The following PIDD1 variants were observed in gnomAD, a reference collection of about 807,000 sequenced individuals.
PIDD1 encodes p53-induced death domain protein 1.
Under a neutral mutation model 80.0 loss-of-function variants are expected in PIDD1, and 72 were observed. That is an observed-to-expected ratio of 0.90 (90% CI 0.74 to 1.09). The LOEUF is 1.09. Ranked by LOEUF, PIDD1 falls within the 50% of genes least tolerant of loss-of-function variation. The pLI is 0.00. For synonymous variants in PIDD1, 655 were observed against 543.5 expected, an observed-to-expected ratio of 1.21 and a Z score of -2.85; for missense variants, 1,329 against 1,228.3, an observed-to-expected ratio of 1.08 and a Z score of -1.23.
At chr11:808,286 G>A (rs1306230272), upstream of PIDD1, among the ~76,000 whole-genome samples, 1 of 152,052 alleles carries the variant, frequency 6.6e-6, no homozygotes, top group Admixed American at 6.6e-5. Flanking sequence ...AATTAGCCGG[G>A]CATGGTAGTG....
In PIDD1 at chr11:804,377, C is replaced by A; in HGVS notation, c.12G>T (p.Thr4=). ...CTGCCTCCAGCTCTGGCCCCTCCAC[C>A]GTTGCAGCCATCGCCCACCGACGGT... MAA[T]VEGPELEAAA... Residue 4 remains threonine (T), a synonymous_variant, in exon 2 of 16, where the codon ACG becomes ACT. Coordinates refer to ENST00000347755, the MANE Select transcript of PIDD1 (RefSeq NM_145886.4). 6.3e-7 allele frequency: 1 copy of A among 1,592,322 alleles called. No individual in the cohort carries two copies. Among genetic ancestry groups the A allele is most frequent in the Non-Finnish European group, 8.6e-7 (1 of 1,166,898 alleles).
Position 803,263 on chromosome 11 carries a change from T to C in PIDD1, c.620A>G (p.Asp207Gly). ...GCCTCCAATCTCAGGAGGTAGCGTG[T>C]CCAGCAGATTCTGAGAGAGATCGAG... is the stretch of plus-strand genomic sequence containing the variant. ...QRLDLSQNLL[D>G]TLPPEIGGLG... Residue 207 changes from aspartate (D) to glycine (G), a missense_variant, in exon 3 of 16, where the codon GAC becomes GGC. By Grantham distance (94) the Asp-to-Gly change is moderately conservative. Coordinates refer to ENST00000347755, the MANE Select transcript of PIDD1 (RefSeq NM_145886.4). 1 of 1,613,470 alleles carries C rather than the reference T, an allele frequency of 6.2e-7. No homozygotes were observed. Among genetic ancestry groups the C allele is most frequent in the Non-Finnish European group, 8.5e-7 (1 of 1,179,974 alleles).
upstream of PIDD1, chr11:805,686 G>GC (rs1865733642): frequency 4.1e-6 from 4 of 985,450 alleles, no homozygotes; most frequent in Non-Finnish European, 4.8e-6. Flanking sequence ...CGGGAAGCCT[G>GC]CCAGGACCTC....
intron 2 of PIDD1, 159 bp downstream of exon 2, chr11:803,935 T>A (rs1865584805): frequency 2.4e-6 from 2 of 821,978 alleles, no homozygotes; most frequent in Admixed American, 2.9e-5. Flanking sequence ...AGGATGGCGA[T>A]GGGGCTGGAC....
At position 804,458 on chromosome 11, in the gene PIDD1, G is replaced by A. The variant is rs978863054; in HGVS notation, c.-70C>T. 108 of 1,508,152 alleles carry A rather than the reference G, an allele frequency of 7.2e-5. No individual in the cohort carries two copies. The highest frequency in any genetic ancestry group is 9.2e-5 in the Non-Finnish European group (104 of 1,134,300). The allele number at this position is 1,508,152 out of a possible 1,614,324, so 93.4% of individuals were successfully genotyped here. On this transcript the variant is annotated 5_prime_UTR_variant, in exon 2 of 16. Transcript: ENST00000347755. ...GGCAGGCCTGTCCAGGCAGCGCCCG[G>A]GGAAGCTGCAGAGGCAGGAGGAGGA... is the stretch of plus-strand genomic sequence containing the variant.
At chr11:802,453 C>G (rs1865436993) in intron 5 of PIDD1, 57 bp from the exon 6 acceptor site, 1 of 1,598,360 alleles carries the variant, frequency 6.3e-7, no homozygotes, top group African/African-American at 1.3e-5. Context: ...CGTGTTGGAG[C>G]CTGGACCCAG....
chr11:805,396 C>T (rs1347547935), upstream of PIDD1: 2 of 328,162 alleles, frequency 6.1e-6, no homozygotes, highest in African/African-American at 2.2e-5. Flanking sequence ...CCCGGAGACG[C>T]GGACGCGACC....
chr11:800,972 G>T lies in PIDD1; in HGVS notation c.1766+13C>A. 2 of 1,591,454 alleles carry T rather than the reference G, an allele frequency of 1.3e-6. No homozygotes were observed. Among genetic ancestry groups the T allele is most frequent in the Non-Finnish European group, 1.7e-6 (2 of 1,165,436 alleles). On this transcript the variant is annotated intron_variant, in intron 10 of 15. Coordinates refer to ENST00000347755, the MANE Select transcript of PIDD1 (RefSeq NM_145886.4). ...CTGGGGGAGGGGGGCTGAGAAAGCT[G>T]GGGGGCACTGACCAGGAGAAGTGTG...
rs752193488 is a variant in PIDD1, at chr11:802,363, G to A, written c.1008C>T (p.Thr336=). Residue 336 remains threonine (T), a synonymous_variant, in exon 6 of 16, where the codon ACC becomes ACT. Coordinates refer to ENST00000347755, the MANE Select transcript of PIDD1 (RefSeq NM_145886.4). Reference sequence around the variant, plus strand: ...ACTGCAGGCGGACGCCACAGGCCAGGGTCACTGAGCAGCCTTGAGGGGTCA... The same window carrying A: ...ACTGCAGGCGGACGCCACAGGCCAGAGTCACTGAGCAGCCTTGAGGGGTCA... ...FPVTPQGCSV[T]LACGVRLQFP... is the part of the protein sequence containing the mutation. The A allele has an allele frequency of 6.2e-7, 1 of 1,612,148 alleles. No homozygotes were observed. The highest frequency in any genetic ancestry group is 8.5e-7 in the Non-Finnish European group (1 of 1,179,886).
intron 5 of PIDD1, 55 bp downstream of exon 5, chr11:802,488 G>A (rs367965675): frequency 2.2e-5 from 35 of 1,601,416 alleles, no homozygotes; most frequent in African/African-American, 2.7e-5. Flanking sequence ...GTGTCGGAGG[G>A]GCCAGAGTGA....
chr11:799,695 C>T, intron 15 of PIDD1, 120 bp downstream of exon 15: 1 of 1,383,804 alleles, frequency 7.2e-7, no homozygotes, highest in Non-Finnish European at 9.6e-7. Context: ...TCCTTTCCAG[C>T]CTGGTGTTTG....
Position 802,853 on chromosome 11 carries a change from T to A in PIDD1, c.748A>T (p.Asn250Tyr). The A allele has an allele frequency of 6.3e-7, 1 of 1,586,982 alleles. No homozygotes were observed. The highest frequency in any genetic ancestry group is 8.6e-7 in the Non-Finnish European group (1 of 1,167,486). The part of the protein sequence containing the change: ...RSLRLLVLHS[N>Y]LLASVPADLA... Reference sequence around the variant, plus strand: ...TCAGCTGGCACAGAGGCCAGGAGGTTGCTGTGCAGGACAAGGAGCCGCAAG... The same window carrying A: ...TCAGCTGGCACAGAGGCCAGGAGGTAGCTGTGCAGGACAAGGAGCCGCAAG... Residue 250 changes from asparagine to tyrosine, a missense_variant, in exon 4 of 16, where the codon AAC becomes TAC. Transcript: ENST00000347755.
upstream of PIDD1, among the ~76,000 whole-genome samples, chr11:808,849 G>T (rs1391541425): frequency 6.6e-6 from 1 of 152,258 alleles, no homozygotes; most frequent in Admixed American, 6.5e-5. Context: ...AGGCGACTGT[G>T]AAGTCGAGTT....
intron 1 of PIDD1, 62 bp from the exon 2 acceptor site, chr11:804,525 G>C (rs1035999048): frequency 7.2e-5 from 102 of 1,422,686 alleles, no homozygotes; most frequent in Non-Finnish European, 2.3e-5. Flanking sequence ...TGGGGAAACA[G>C]GGACTCTGGA....
chr11:801,992 C>T lies in PIDD1; in HGVS notation c.1275G>A (p.Glu425=). Residue 425 remains glutamate (E), a synonymous_variant, in exon 7 of 16, where the codon GAG becomes GAA. Coordinates refer to ENST00000347755, the MANE Select transcript of PIDD1 (RefSeq NM_145886.4). ...TRNDNSWGDL[E]TYLEEEAPQR... The stretch of plus-strand genomic sequence containing the variant: ...GGGGTGCCTCTTCCTCCAGGTAGGT[C>T]TCCAGGTCACCCCAGCTGTTGTCAT... 6.2e-7 allele frequency: 1 copy of T among 1,604,134 alleles called. No individual in the cohort carries two copies. Among genetic ancestry groups the T allele is most frequent in the Non-Finnish European group, 8.5e-7 (1 of 1,175,934 alleles).
At chr11:807,332 A>C (rs1236885022), upstream of PIDD1, among the ~76,000 whole-genome samples, 1 of 150,796 alleles carries the variant, frequency 6.6e-6, no homozygotes, top group Non-Finnish European at 1.5e-5. Flanking sequence ...CTAAAAAATT[A>C]GCTGGGCGTG....
In PIDD1 at chr11:804,320, C is replaced by G. The variant is rs774493299; in HGVS notation, c.69G>C (p.Ser23=). The G allele has an allele frequency of 3.1e-6, 5 of 1,612,412 alleles. No homozygotes were observed. Among genetic ancestry groups the G allele is most frequent in the Non-Finnish European group, 4.2e-6 (5 of 1,179,694 alleles). ...AAGGCAGCGCCCTGGACCCTGCGTC[C>G]GAATCCTCTGAAGCATCTCCTGCGG... ...AAAAGDASED[S]DAGSRALPFL... is the part of the protein sequence containing the mutation. Residue 23 remains serine, a synonymous_variant, in exon 2 of 16, where the codon TCG becomes TCC. Transcript: ENST00000347755.
In PIDD1 at chr11:799,852, A is replaced by G. The variant is rs1865096727; in HGVS notation, c.2437T>C (p.Ser813Pro). 1.2e-6 allele frequency: 2 copies of G among 1,607,508 alleles called. No individual in the cohort carries two copies. The highest frequency in any genetic ancestry group is 1.1e-5 in the South Asian group (1 of 90,750). The change falls in exon 15 of 16, where the codon TCC becomes CCC. Residue 813 changes from serine (S) to proline (P), a missense_variant. Coordinates refer to ENST00000347755, the MANE Select transcript of PIDD1 (RefSeq NM_145886.4). ...CGGATGCGCTGCACCTCCCGGTAGG[A>G]CACCCCCAGGTGCAGGGCCACGGCT... is the stretch of plus-strand genomic sequence containing the variant. Reference protein sequence around the residue: ...WPAVALHLGVSYREVQRIRHE... With the variant: ...WPAVALHLGVPYREVQRIRHE...
rs1289723031 is a variant in PIDD1, at chr11:804,469, G to A, written c.-75-6C>T. 5.4e-6 allele frequency: 8 copies of A among 1,494,384 alleles called. No individual in the cohort carries two copies. The highest frequency in any genetic ancestry group is 7.1e-6 in the Non-Finnish European group (8 of 1,128,956). The allele number at this position is 1,494,384 out of a possible 1,614,324, so 92.6% of individuals were successfully genotyped here. On this transcript the variant is annotated splice_polypyrimidine_tract_variant and splice_region_variant and intron_variant, in intron 1 of 15. Transcript: ENST00000347755. ...CCAGGCAGCGCCCGGGGAAGCTGCAGAGGCAGGAGGAGGAGTGAGCGGGAG... is the reference window on the plus strand; with the variant it reads ...CCAGGCAGCGCCCGGGGAAGCTGCAAAGGCAGGAGGAGGAGTGAGCGGGAG...
Sources: allele counts gnomAD v4.1 joint callset (sites outside exome capture counted in the v4.1 genomes callset), GRCh38; gene constraint gnomAD v4.1.1; transcripts MANE v1.5; gene names NCBI Gene and HGNC (gene_info 2026-07-23, HGNC 2026-07-21).